Variants in DYNC2I1 observed in about 807,000 individuals in gnomAD.
DYNC2I1 encodes dynein 2 intermediate chain 1, also known as cytoplasmic dynein 2 intermediate chain 1.
In DYNC2I1, 89 loss-of-function variants were observed where a neutral mutation model predicts 133.4. The observed-to-expected ratio is 0.67, with a 90% CI of 0.56 to 0.80. DYNC2I1 has a LOEUF of 0.80. Among genes scored for constraint, DYNC2I1 ranks in the 30% least tolerant of loss-of-function variants. DYNC2I1 has a pLI of 0.00. For missense variants in DYNC2I1, 1,291 were observed against 1,314.5 expected (o/e 0.98, Z 0.28); for synonymous variants, 504 against 484.3 (o/e 1.04, Z -0.54).
intron 8 of DYNC2I1, among the ~76,000 whole-genome samples, chr7:158,894,573 T>A (rs1347086830): frequency 2.0e-5 from 3 of 152,210 alleles, no homozygotes; most frequent in Non-Finnish European, 4.4e-5. Flanking sequence ...AGGGATGTAC[T>A]GTAGTCTATC....
At chr7:158,891,385 C>A (rs1437524185) in intron 8 of DYNC2I1, 52 bp downstream of exon 8, 14 of 1,600,874 alleles carry the variant, frequency 8.7e-6, no homozygotes, top group Non-Finnish European at 1.2e-5. Context: ...AGCACAGACC[C>A]ACTCACATTT....
intron 3 of DYNC2I1, among the ~76,000 whole-genome samples, chr7:158,872,231 C>T (rs1188972): frequency 0.15 from 22,663 of 152,004 alleles, 1,908 homozygotes; most frequent in Middle Eastern, 0.24. Flanking sequence ...TGGGAGGATC[C>T]CTTGAGCCCA....
intron 3 of DYNC2I1, 40 bp from the exon 4 acceptor site, chr7:158,876,569 A>G (rs1016597112): frequency 2.6e-6 from 4 of 1,521,130 alleles, no homozygotes; most frequent in African/African-American, 2.8e-5. Context: ...TTGATGTGCT[A>G]ACATTTGGGA....
chr7:158,922,416 G>A lies in DYNC2I1; in HGVS notation c.1961G>A (p.Arg654Lys). The A allele has an allele frequency of 6.2e-7, 1 of 1,614,006 alleles. No homozygotes were observed. The highest frequency in any genetic ancestry group is 8.5e-7 in the Non-Finnish European group (1 of 1,179,900). Residue 654 changes from arginine (R) to lysine (K), a missense_variant, in exon 16 of 25, where the codon AGG (arginine) becomes AAG (lysine). Physicochemically the swap from Arg to Lys is conservative, Grantham distance 26 (BLOSUM62 2). Transcript: ENST00000407559. ...TCCTTGCACACCTCCCGAGTTCAGA[G>A]GCAGATGGTGGTCTCCGTTCACGAC... ...VSSLHTSRVQ[R>K]QMVVSVHDLP...
intron 3 of DYNC2I1, among the ~76,000 whole-genome samples, chr7:158,871,987 G>A (rs1208208341): frequency 1.3e-5 from 2 of 152,170 alleles, no homozygotes. Flanking sequence ...GTGTGTGTGT[G>A]TACTTTTTAT....
chr7:158,866,487 G>A (rs747759641), intron 1 of DYNC2I1, among the ~76,000 whole-genome samples: 6 of 151,606 alleles, frequency 4.0e-5, no homozygotes, highest in Non-Finnish European at 8.8e-5. Context: ...GACTGTCCCC[G>A]AGTATCCTGG....
intron 21 of DYNC2I1, among the ~76,000 whole-genome samples, chr7:158,932,377 G>C (rs539617137): frequency 6.6e-6 from 1 of 152,262 alleles, no homozygotes; most frequent in South Asian, 2.1e-4. Flanking sequence ...GCAGAACCTG[G>C]GGGTGCCCAG....
upstream of DYNC2I1, among the ~76,000 whole-genome samples, chr7:158,852,262 C>T (rs963011697): frequency 6.6e-6 from 1 of 151,974 alleles, no homozygotes; most frequent in Non-Finnish European, 1.5e-5. Flanking sequence ...GCTGGGATTG[C>T]AGGTGCCTGC....
Position 158,942,150 on chromosome 7 carries a change from C to T in DYNC2I1, c.3002+2C>T. 6.5e-7 allele frequency: 1 copy of T among 1,536,984 alleles called. No individual in the cohort carries two copies. The highest frequency in any genetic ancestry group is 1.3e-5 in the South Asian group (1 of 79,388). On this transcript the variant is annotated splice_donor_variant, in intron 24 of 24. Transcript: ENST00000407559. LOFTEE classifies it low-confidence loss of function (GC_TO_GT_DONOR). Reference sequence around the variant, plus strand: ...CAAACAGCAGGTCTCCCCCAACAGGCAAGTGGGGAAGCTCTGGACCAGCTG... The same window carrying T: ...CAAACAGCAGGTCTCCCCCAACAGGTAAGTGGGGAAGCTCTGGACCAGCTG...
chr7:158,955,387 C>T (rs1852174619), intron 4 of DYNC2I1, among the ~76,000 whole-genome samples: 1 of 152,206 alleles, frequency 6.6e-6, no homozygotes, highest in Non-Finnish European at 1.5e-5. Flanking sequence ...TGCATGGGGG[C>T]CAGAGCCTCC....
intron 8 of DYNC2I1, among the ~76,000 whole-genome samples, chr7:158,897,879 A>G (rs911493831): frequency 7.2e-5 from 11 of 152,324 alleles, no homozygotes; most frequent in African/African-American, 2.4e-4. Context: ...ATATGCATTC[A>G]ACATTGTAAA....
chr7:158,947,852 A>AT (rs1426056047), downstream of DYNC2I1, among the ~76,000 whole-genome samples: 1 of 152,236 alleles, frequency 6.6e-6, no homozygotes, highest in African/African-American at 2.4e-5. Context: ...ACCTGTGGCC[A>AT]TTGGGCGGCT....
At chr7:158,947,146 C>T (rs769956037), downstream of DYNC2I1, among the ~76,000 whole-genome samples, 1 of 152,212 alleles carries the variant, frequency 6.6e-6, no homozygotes, top group African/African-American at 2.4e-5. Context: ...ATTTGTTCAT[C>T]TTCCGTCTGC....
At position 158,945,741 on chromosome 7, in the gene DYNC2I1, C is replaced by G; in HGVS notation, c.3163C>G (p.Gln1055Glu). 1 of 1,596,688 alleles carries G rather than the reference C, an allele frequency of 6.3e-7. No individual in the cohort carries two copies. Among genetic ancestry groups the G allele is most frequent in the Non-Finnish European group, 8.5e-7 (1 of 1,170,494 alleles). The change falls in exon 25 of 25, where the codon CAG (glutamine) becomes GAG (glutamate). Residue 1055 changes from glutamine to glutamate, a missense_variant. Gln to Glu is a conservative substitution (Grantham distance 29). Coordinates refer to ENST00000407559, the MANE Select transcript of DYNC2I1 (RefSeq NM_018051.5). This position sits in a 1 kb window ranked among gnomAD's most constrained non-coding sequence, Gnocchi z 4.1. Reference protein sequence around the residue: ...DECNRLRLLLQEALWPEGKLH... With the variant: ...DECNRLRLLLEEALWPEGKLH... Reference sequence around the variant, plus strand: ...GTGCAACAGGCTGCGTCTGCTTTTGCAGGAAGCCCTGTGGCCAGAGGGAAA... The same window carrying G: ...GTGCAACAGGCTGCGTCTGCTTTTGGAGGAAGCCCTGTGGCCAGAGGGAAA...
intron 1 of DYNC2I1, among the ~76,000 whole-genome samples, chr7:158,868,051 T>C (rs987341161): frequency 6.6e-6 from 1 of 152,014 alleles, no homozygotes; most frequent in Non-Finnish European, 1.5e-5. Flanking sequence ...GCCACTGCAC[T>C]CCAGCCTGGG....
At chr7:158,895,752 A>G (rs1845703143) in intron 8 of DYNC2I1, among the ~76,000 whole-genome samples, 1 of 152,212 alleles carries the variant, frequency 6.6e-6, no homozygotes, top group African/African-American at 2.4e-5. Flanking sequence ...TTTGAGTCTC[A>G]TTTGTGAACA....
rs1400972963 is a variant in DYNC2I1 at position 158,902,586 on chromosome 7, C to T, written c.1348C>T (p.Pro450Ser). 7 of 1,613,346 alleles carry T rather than the reference C, an allele frequency of 4.3e-6. No individual in the cohort carries two copies. The highest frequency in any genetic ancestry group is 1.6e-4 in the Middle Eastern group (1 of 6,082). ...KRGRTEFEKE[P>S]RTDTNSSPSR... ...AGGTAGAACAGAATTTGAAAAGGAG[C>T]CCAGGACAGGTAAACAAATCAATGC... Residue 450 changes from proline (P) to serine (S), a missense_variant, in exon 10 of 25, where the codon CCC (proline) becomes TCC (serine). Coordinates refer to ENST00000407559, the MANE Select transcript of DYNC2I1 (RefSeq NM_018051.5).
chr7:158,859,146 C>CT (rs1160607006), intron 1 of DYNC2I1, among the ~76,000 whole-genome samples: 1 of 149,950 alleles, frequency 6.7e-6, no homozygotes, highest in Non-Finnish European at 1.5e-5. Flanking sequence ...CAGGTGCGAG[C>CT]TACCATGCCT....
chr7:158,901,822 T>C lies in DYNC2I1; in HGVS notation c.1137+6T>C, dbSNP rs1846287207. The C allele has an allele frequency of 6.5e-7, 1 of 1,548,296 alleles. No individual in the cohort carries two copies. Among genetic ancestry groups the C allele is most frequent in the Non-Finnish European group, 8.7e-7 (1 of 1,147,284 alleles). On this transcript the variant is annotated splice_donor_region_variant and intron_variant, in intron 9 of 24. Transcript: ENST00000407559. ...GTTGTGAAGATGATTTTGAAGTATG[T>C]ATAAAAGTTAAAACTTTCCTTAGCT...
Sources: gnomAD v4.1 joint callset for allele counts (sites outside exome capture counted in the v4.1 genomes callset) on GRCh38, gnomAD v4.1.1 for gene constraint, Gnocchi (gnomAD v3.1) non-coding constraint, MANE v1.5 for transcripts, NCBI Gene and HGNC (gene_info 2026-07-23, HGNC 2026-07-21) for gene names.